COQ3: variants seen among roughly 807,000 people sequenced by gnomAD.
The protein encoded by COQ3 is coenzyme Q3, methyltransferase.
Under a neutral mutation model 33.1 loss-of-function variants are expected in COQ3, and 29 were observed. That is an observed-to-expected ratio of 0.88 (90% confidence interval 0.65 to 1.19). COQ3 has a LOEUF of 1.19. Among genes scored for constraint, COQ3 ranks in the 50% most tolerant of loss-of-function variants. COQ3 has a pLI of 0.00. For synonymous variants in COQ3, 173 were observed against 157.8 expected, an observed-to-expected ratio of 1.10 and a Z score of -0.72; for missense variants, 437 against 430.7, an observed-to-expected ratio of 1.01 and a Z score of -0.13.
chr6:99,390,455 TC>T (rs1774793965), intron 1 of COQ3, among the ~76,000 whole-genome samples: 6 of 151,382 alleles, frequency 4.0e-5, no homozygotes, highest in Admixed American at 3.9e-4. Context: ...TGCCTCAGCC[TC>T]CCGAGTAGCT....
chr6:99,374,200 T>A (rs1007551663), intron 5 of COQ3, among the ~76,000 whole-genome samples: 3 of 152,048 alleles, frequency 2.0e-5, no homozygotes, highest in Non-Finnish European at 2.9e-5. Context: ...CTGATGTTAA[T>A]TTCTTAGTTT....
chr6:99,387,757 G>A (rs1163200510), intron 1 of COQ3, among the ~76,000 whole-genome samples: 1 of 152,102 alleles, frequency 6.6e-6, no homozygotes, highest in Non-Finnish European at 1.5e-5. Context: ...GCAAGAAAAG[G>A]AAATAAAAGA....
At chr6:99,376,528 A>T (rs1774287673) in intron 4 of COQ3, among the ~76,000 whole-genome samples, 1 of 152,244 alleles carries the variant, frequency 6.6e-6, no homozygotes, top group Admixed American at 6.5e-5. Flanking sequence ...AAGCCATTGA[A>T]AAAACAGCAA....
intron 5 of COQ3, among the ~76,000 whole-genome samples, chr6:99,374,678 T>C (rs1774235868): frequency 6.6e-6 from 1 of 152,182 alleles, no homozygotes. Context: ...ATAAGCATAG[T>C]AAGTAATGGA....
intron 3 of COQ3, among the ~76,000 whole-genome samples, chr6:99,379,063 G>A (rs886717950): frequency 3.3e-5 from 5 of 149,522 alleles, no homozygotes; most frequent in Admixed American, 6.7e-5. Context: ...TGTGCACACC[G>A]TGCAGGTTTG....
At chr6:99,375,889 A>G (rs1222213943) in intron 5 of COQ3, 51 bp downstream of exon 5, 1 of 1,599,670 alleles carries the variant, frequency 6.3e-7, no homozygotes, top group Admixed American at 1.7e-5. Context: ...TATAGATACA[A>G]ATACACACAC....
intron 5 of COQ3, among the ~76,000 whole-genome samples, chr6:99,373,275 TA>T (rs1159681885): frequency 6.6e-6 from 1 of 151,934 alleles, no homozygotes; most frequent in Non-Finnish European, 1.5e-5. Flanking sequence ...AAAATTTATT[TA>T]AAAAAACTAT....
chr6:99,387,111 C>CAATGTTA (rs1487470590), intron 1 of COQ3, among the ~76,000 whole-genome samples: 7 of 151,990 alleles, frequency 4.6e-5, no homozygotes, highest in Admixed American at 3.9e-4. Flanking sequence ...AACACTAGTT[C>CAATGTTA]AATGTTAAAA....
At position 99,369,764 on chromosome 6, in the gene COQ3, A is replaced by C. The variant is rs758994660; in HGVS notation, c.946T>G (p.Trp316Gly). 1.8e-5 allele frequency: 29 copies of C among 1,613,786 alleles called. No individual in the cohort carries two copies. The highest frequency in any genetic ancestry group is 2.5e-5 in the Non-Finnish European group (29 of 1,179,764). ...AGGCTGGTATTTTCACTCCAATGCCAGTAACCTGAGAAGGGGTTATAGAGC... is the reference window on the plus strand; with the variant it reads ...AGGCTGGTATTTTCACTCCAATGCCCGTAACCTGAGAAGGGGTTATAGAGC... ...GMLYNPFSGYWHWSENTSLNY... is the reference protein window; with the variant it reads ...GMLYNPFSGYGHWSENTSLNY... Residue 316 changes from tryptophan to glycine, a missense_variant, in exon 7 of 7, where the codon TGG becomes GGG. Physicochemically the swap from Trp to Gly is radical, Grantham distance 184 (BLOSUM62 -2). Coordinates refer to ENST00000254759, the MANE Select transcript of COQ3 (RefSeq NM_017421.4).
chr6:99,372,634 T>C (rs1437714877), intron 5 of COQ3, among the ~76,000 whole-genome samples: 1 of 152,112 alleles, frequency 6.6e-6, no homozygotes, highest in Non-Finnish European at 1.5e-5. Context: ...GTCAGGCTGG[T>C]CTCGAACTCC....
At chr6:99,383,976 C>T in intron 1 of COQ3, 152 bp from the exon 2 acceptor site, 2 of 536,790 alleles carry the variant, frequency 3.7e-6, no homozygotes, top group Non-Finnish European at 6.0e-6. Flanking sequence ...TCATGGCTCA[C>T]TGTAGCCTCC....
At chr6:99,385,162 A>G (rs1050724770) in intron 1 of COQ3, among the ~76,000 whole-genome samples, 1 of 152,232 alleles carries the variant, frequency 6.6e-6, no homozygotes, top group Non-Finnish European at 1.5e-5. Flanking sequence ...ATAAAGACTC[A>G]CAGAAATGAA....
Position 99,369,650 on chromosome 6 carries a change from G to T in COQ3, c.1060C>A (p.Gln354Lys), listed in dbSNP as rs752401424. Residue 354 changes from glutamine to lysine, a missense_variant, in exon 7 of 7, where the codon CAA (glutamine) becomes AAA (lysine). Coordinates refer to ENST00000254759, the MANE Select transcript of COQ3 (RefSeq NM_017421.4). ...GCTGGATTGGTGCAGGCATTAGCTT[G>T]GAGCTCTTCTGTTTCTCCCTTTAAA... ...FVLKGETEEL[Q>K]ANACTNPAVH... The T allele has an allele frequency of 5.0e-6, 8 of 1,613,922 alleles. No individual in the cohort carries two copies. The highest frequency in any genetic ancestry group is 1.3e-5 in the African/African-American group (1 of 74,882).
chr6:99,394,173 T>G lies in COQ3; in HGVS notation c.7A>C (p.Ser3Arg). 1 of 1,587,148 alleles carries G rather than the reference T, an allele frequency of 6.3e-7. No individual in the cohort carries two copies. Among genetic ancestry groups the G allele is most frequent in the Non-Finnish European group, 8.6e-7 (1 of 1,166,748 alleles). ...CCGGAGGAGCCCAGCTTACGGCCAC[T>G]CCACATCGCGACAAACGATCCCACC... The part of the protein sequence containing the change: MW[S>R]GRKLGSSGGW... The change falls in exon 1 of 7, where the codon AGT becomes CGT. Residue 3 changes from serine (S) to arginine (R), a missense_variant. Coordinates refer to ENST00000254759, the MANE Select transcript of COQ3 (RefSeq NM_017421.4).
At chr6:99,384,660 C>T (rs1402987677) in intron 1 of COQ3, among the ~76,000 whole-genome samples, 1 of 152,118 alleles carries the variant, frequency 6.6e-6, no homozygotes, top group Non-Finnish European at 1.5e-5. Context: ...ACACAGGGGC[C>T]TGCTTTATGA....
At chr6:99,378,153 TATA>T (rs1239268453) in intron 3 of COQ3, among the ~76,000 whole-genome samples, 279 of 32,650 alleles carry the variant, frequency 8.5e-3, no homozygotes, top group Middle Eastern at 0.067. Context: ...TATATATATA[TATA>T]TTTAGAGAGA....
At chr6:99,376,714 T>C (rs962739723) in intron 4 of COQ3, among the ~76,000 whole-genome samples, 3 of 152,138 alleles carry the variant, frequency 2.0e-5, no homozygotes, top group Non-Finnish European at 4.4e-5. Context: ...CTCACGCCTG[T>C]AATCCCAGCA....
At chr6:99,381,159 C>T (rs370612623) in intron 2 of COQ3, among the ~76,000 whole-genome samples, 27 of 152,248 alleles carry the variant, frequency 1.8e-4, no homozygotes, top group East Asian at 7.7e-4. Flanking sequence ...ATAATTCTAA[C>T]GCAAGCACCC....
intron 5 of COQ3, among the ~76,000 whole-genome samples, chr6:99,373,809 T>C (rs6570011): frequency 0.29 from 44,739 of 152,006 alleles, 6,791 homozygotes; most frequent in East Asian, 0.46. Flanking sequence ...CTGGGCAACA[T>C]AGGGAGACCC....
Sources: allele counts gnomAD v4.1 joint callset (sites outside exome capture counted in the v4.1 genomes callset), GRCh38; gene constraint gnomAD v4.1.1; transcripts MANE v1.5; gene names NCBI Gene and HGNC (gene_info 2026-07-23, HGNC 2026-07-21).